ELF2: variants seen among roughly 807,000 people sequenced by gnomAD.
The protein encoded by ELF2 is ETS-related transcription factor Elf-2.
In ELF2, 11 loss-of-function variants were observed where a neutral mutation model predicts 54.8. That is an observed-to-expected ratio of 0.20 (90% CI 0.13 to 0.33). The LOEUF is 0.33. ELF2 is among the 10% of genes least tolerant of loss of function. The pLI, the probability that ELF2 is intolerant of heterozygous loss-of-function variation, is 1.00. For missense variants in ELF2, 513 were observed against 703.0 expected, an observed-to-expected ratio of 0.73 and a Z score of 3.06; for synonymous variants, 203 against 245.1, an observed-to-expected ratio of 0.83 and a Z score of 1.61.
intron 1 of ELF2, among the ~76,000 whole-genome samples, chr4:139,157,390 A>G (rs1485022524): frequency 1.3e-5 from 2 of 152,060 alleles, no homozygotes; most frequent in Non-Finnish European, 2.9e-5. Context: ...TTGTGACATC[A>G]TCAAAATTCT....
intron 7 of ELF2, chr4:139,066,007 AC>A (rs1346495164): frequency 1.2e-5 from 1 of 80,354 alleles, no homozygotes; most frequent in Non-Finnish European, 2.3e-5. Context: ...GTTCAATGTC[AC>A]CTTTTTTTTT....
At chr4:139,150,965 A>C (rs1229447005) in intron 1 of ELF2, among the ~76,000 whole-genome samples, 2 of 133,756 alleles carry the variant, frequency 1.5e-5, no homozygotes, top group East Asian at 2.1e-4. Context: ...GCGAGCTTGC[A>C]GTGAGCCGAG....
intron 4 of ELF2, among the ~76,000 whole-genome samples, chr4:139,121,301 G>T (rs900379665): frequency 6.6e-6 from 1 of 150,638 alleles, no homozygotes; most frequent in Non-Finnish European, 1.5e-5. Context: ...GTAGAGACGG[G>T]GTTTCACCGT....
intron 1 of ELF2, among the ~76,000 whole-genome samples, chr4:139,146,844 T>C (rs1273593620): frequency 6.6e-6 from 1 of 152,124 alleles, no homozygotes; most frequent in Non-Finnish European, 1.5e-5. Context: ...TGAAACTGGA[T>C]CCCTGTCTCT....
rs376307230 is a variant in ELF2, at chr4:139,061,977, G to C, written c.694C>G (p.Gln232Glu). Residue 232 changes from glutamine (Q) to glutamate (E), a missense_variant, in exon 8 of 10, where the codon CAG (glutamine) becomes GAG (glutamate). Around this residue, in one of 3 missense-constraint regions of ELF2, gnomAD observed 19 missense variants for 91.0 expected, o/e 0.21. Coordinates refer to ENST00000686138, the MANE Select transcript of ELF2 (RefSeq NM_001331036.3). ...NTCPRYIKWTQREKGIFKLVD... is the reference protein window; with the variant it reads ...NTCPRYIKWTEREKGIFKLVD... ...AGCTTGAATATGCCTTTTTCTCTCT[G>C]AGTCCATTTAATATACCTGGGACAA... The C allele has an allele frequency of 6.2e-6, 10 of 1,613,896 alleles. No homozygotes were observed. Among genetic ancestry groups the C allele is most frequent in the Middle Eastern group, 1.7e-4 (1 of 6,052 alleles).
chr4:139,084,322 C>T (rs1036098413), intron 4 of ELF2: 13 of 1,566,694 alleles, frequency 8.3e-6, no homozygotes, highest in Non-Finnish European at 9.5e-6. Context: ...CTCGCACACA[C>T]TCCGACGCCC....
At chr4:139,160,128 G>A (rs1740977862) in intron 1 of ELF2, among the ~76,000 whole-genome samples, 1 of 151,236 alleles carries the variant, frequency 6.6e-6, no homozygotes, top group African/African-American at 2.5e-5. Flanking sequence ...ACGAGGTCAG[G>A]AGATTGAGAC....
chr4:139,145,828 A>G (rs987480081), intron 1 of ELF2, among the ~76,000 whole-genome samples: 1 of 152,216 alleles, frequency 6.6e-6, no homozygotes, highest in African/African-American at 2.4e-5. Context: ...ACATTCAATA[A>G]AATCAAGTAT....
chr4:139,137,157 A>G (rs1411344000), intron 3 of ELF2: 1 of 153,596 alleles, frequency 6.5e-6, no homozygotes, highest in East Asian at 1.9e-4. Flanking sequence ...CTGACTTACT[A>G]ATTATCTAAA....
chr4:139,102,593 C>T (rs1357985260), intron 4 of ELF2, among the ~76,000 whole-genome samples: 1 of 150,820 alleles, frequency 6.6e-6, no homozygotes, highest in Non-Finnish European at 1.5e-5. Context: ...GAATTCCCAG[C>T]ACTTTGGGAG....
intron 4 of ELF2, among the ~76,000 whole-genome samples, chr4:139,106,297 A>C (rs1436776521): frequency 6.6e-6 from 1 of 152,168 alleles, no homozygotes; most frequent in Non-Finnish European, 1.5e-5. Flanking sequence ...AAAATGTGAC[A>C]TATTTAAACT....
At chr4:139,084,453 C>CA in intron 4 of ELF2, 1 of 1,151,750 alleles carries the variant, frequency 8.7e-7, no homozygotes, top group Non-Finnish European at 1.1e-6. Flanking sequence ...GCGGCGGCGG[C>CA]GGCGGCGGCT....
chr4:139,172,556 CAA>C (rs976177794), intron 1 of ELF2, among the ~76,000 whole-genome samples: 4 of 151,992 alleles, frequency 2.6e-5, no homozygotes, highest in African/African-American at 9.7e-5. Context: ...CTCAAACACT[CAA>C]GAGTAATGAG....
At chr4:139,094,297 C>T (rs912381708) in intron 4 of ELF2, among the ~76,000 whole-genome samples, 6 of 152,164 alleles carry the variant, frequency 3.9e-5, no homozygotes, top group African/African-American at 4.8e-5. Flanking sequence ...AGTTAGTTCC[C>T]AGCTGATCCA....
chr4:139,074,653 A>C (rs971781535), intron 4 of ELF2, among the ~76,000 whole-genome samples: 2 of 151,704 alleles, frequency 1.3e-5, no homozygotes, highest in African/African-American at 2.4e-5. Flanking sequence ...CCAGCTACTC[A>C]GGAGGCTGAG....
intron 4 of ELF2, among the ~76,000 whole-genome samples, chr4:139,083,088 T>C (rs965225007): frequency 3.3e-5 from 5 of 152,080 alleles, no homozygotes; most frequent in Non-Finnish European, 7.4e-5. Flanking sequence ...AACGTTCTAA[T>C]TTGGAACACC....
Position 139,120,613 on chromosome 4 carries a change from A to ATT in ELF2, c.238+4549_238+4550dup, listed in dbSNP as rs142833925. Among the ~76,000 whole-genome samples the ATT allele has an allele frequency of 3.4e-3, 511 of 150,494 alleles. 1 individual carries two copies. Among genetic ancestry groups the ATT allele is most frequent in the African/African-American group, 0.012 (472 of 40,982 alleles). On this transcript the variant is annotated intron_variant, in intron 4 of 9. Transcript: ENST00000686138. ...GCCACCATACCCAGCTAATTTTTAA[A>ATT]TTTTTTTTTTAAGAGATGGAGTCTC...
chr4:139,074,537 G>C (rs1044991857), intron 4 of ELF2, among the ~76,000 whole-genome samples: 3 of 151,812 alleles, frequency 2.0e-5, no homozygotes, highest in Non-Finnish European at 2.9e-5. Flanking sequence ...CAAGGCGTGC[G>C]GATCACGAGG....
intron 2 of ELF2, among the ~76,000 whole-genome samples, chr4:139,138,312 G>A (rs900614086): frequency 6.6e-6 from 1 of 152,038 alleles, no homozygotes; most frequent in Non-Finnish European, 1.5e-5. Flanking sequence ...AGCTACTCGG[G>A]AGGCTGAGGC....
Sources: gnomAD v4.1 joint callset for allele counts (sites outside exome capture counted in the v4.1 genomes callset) on GRCh38, gnomAD v4.1.1 for gene constraint, gnomAD v4.1.1 regional missense constraint, MANE v1.5 for transcripts, NCBI Gene and HGNC (gene_info 2026-07-23, HGNC 2026-07-21) for gene names.